The following CHST9 variants were observed in gnomAD, a reference collection of about 807,000 sequenced individuals.
CHST9 encodes the protein GalNAc-4-sulfotransferase 2.
Under a neutral mutation model 44.4 loss-of-function variants are expected in CHST9, and 41 were observed. That is an observed-to-expected ratio of 0.92 (90% CI 0.72 to 1.20). The LOEUF is 1.20. Ranked by LOEUF, CHST9 falls within the 50% of genes most tolerant of loss-of-function variation. The pLI, the probability that CHST9 is intolerant of heterozygous loss-of-function variation, is 0.00. For synonymous variants in CHST9, 171 were observed against 178.4 expected, an observed-to-expected ratio of 0.96 and a Z score of 0.33; for missense variants, 504 against 516.5, an observed-to-expected ratio of 0.98 and a Z score of 0.23.
At chr18:27,134,904 G>A (rs2058501122) in intron 2 of CHST9, among the ~76,000 whole-genome samples, 1 of 152,076 alleles carries the variant, frequency 6.6e-6, no homozygotes, top group Admixed American at 6.5e-5. Flanking sequence ...TGAGTTCTGG[G>A]GAGATAGTCA....
intron 5 of CHST9, among the ~76,000 whole-genome samples, chr18:26,932,306 T>C (rs2055892725): frequency 6.6e-6 from 1 of 152,226 alleles, no homozygotes; most frequent in African/African-American, 2.4e-5. Context: ...GCTCAGCTTT[T>C]ATGTCAGCCT....
intron 5 of CHST9, among the ~76,000 whole-genome samples, chr18:26,937,820 C>T (rs535812515): frequency 6.6e-5 from 10 of 152,118 alleles, no homozygotes; most frequent in African/African-American, 1.2e-4. Flanking sequence ...ATAATAATAC[C>T]GACCATTATT....
In CHST9 at chr18:27,128,267, T is replaced by C. The variant is rs371163908; in HGVS notation, c.121+14422A>G. 6.6e-5 allele frequency among the ~76,000 whole-genome samples: 10 copies of C among 152,252 alleles called. No individual in the cohort carries two copies. The East Asian group carries it at 1.5e-3, about 24-fold the overall frequency. ...CACAAAAAGATTCCAAAATCATTTTTATTTTATTTATTTATTTTTTGAGAT... is the reference window on the plus strand; with the variant it reads ...CACAAAAAGATTCCAAAATCATTTTCATTTTATTTATTTATTTTTTGAGAT... On this transcript the variant is annotated intron_variant, in intron 2 of 5. Coordinates refer to ENST00000618847, the MANE Select transcript of CHST9 (RefSeq NM_031422.6).
intron 4 of CHST9, among the ~76,000 whole-genome samples, chr18:27,009,035 C>A (rs907284376): frequency 2.0e-5 from 3 of 151,942 alleles, no homozygotes; most frequent in Admixed American, 2.0e-4. Context: ...TAGAAATATA[C>A]CTCTATAGTT....
chr18:26,929,753 G>T (rs1041303899), intron 5 of CHST9, among the ~76,000 whole-genome samples: 1 of 152,008 alleles, frequency 6.6e-6, no homozygotes, highest in African/African-American at 2.4e-5. Context: ...TACGGGGTAG[G>T]AGGAGAGAGA....
At chr18:26,963,405 A>G (rs1334333094) in intron 4 of CHST9, among the ~76,000 whole-genome samples, 1 of 152,104 alleles carries the variant, frequency 6.6e-6, no homozygotes, top group Non-Finnish European at 1.5e-5. Context: ...GGACTAAACA[A>G]ACATTAATGT....
At chr18:27,162,824 T>C (rs985905008) in intron 1 of CHST9, among the ~76,000 whole-genome samples, 1 of 152,210 alleles carries the variant, frequency 6.6e-6, no homozygotes, top group Admixed American at 6.5e-5. Context: ...TCAAAGTCAT[T>C]CTCCATCCAG....
intron 2 of CHST9, among the ~76,000 whole-genome samples, chr18:27,057,740 T>C (rs2143600485): frequency 6.6e-6 from 1 of 152,330 alleles, no homozygotes; most frequent in Non-Finnish European, 1.5e-5. Context: ...CCATCTGCAC[T>C]CCCCAGCCCT....
chr18:27,078,682 C>A (rs1034036332), intron 2 of CHST9, among the ~76,000 whole-genome samples: 1 of 152,098 alleles, frequency 6.6e-6, no homozygotes, highest in African/African-American at 2.4e-5. Flanking sequence ...AGTCTTCTTG[C>A]ACTACATTGG....
At chr18:27,018,794 G>A (rs1489245084) in intron 4 of CHST9, among the ~76,000 whole-genome samples, 1 of 152,160 alleles carries the variant, frequency 6.6e-6, no homozygotes, top group Non-Finnish European at 1.5e-5. Context: ...AGAAAAGAAT[G>A]TTCAGGCTGA....
At chr18:27,110,340 G>A (rs1013230650) in intron 2 of CHST9, among the ~76,000 whole-genome samples, 5 of 151,284 alleles carry the variant, frequency 3.3e-5, no homozygotes, top group Non-Finnish European at 5.9e-5. Flanking sequence ...TATAGTTTTC[G>A]GATTCCCTGA....
intron 4 of CHST9, among the ~76,000 whole-genome samples, chr18:26,955,106 A>G (rs1408040860): frequency 6.6e-6 from 1 of 152,114 alleles, no homozygotes; most frequent in Admixed American, 6.6e-5. Context: ...TTGACTGCTG[A>G]TGAATTCTGG....
At chr18:26,948,243 T>C (rs2056194065) in intron 4 of CHST9, among the ~76,000 whole-genome samples, 1 of 152,058 alleles carries the variant, frequency 6.6e-6, no homozygotes, top group Admixed American at 6.6e-5. Flanking sequence ...ACTGAGGCCT[T>C]TCAGGGAGTG....
intron 2 of CHST9, among the ~76,000 whole-genome samples, chr18:27,092,230 T>C (rs1404585319): frequency 2.0e-5 from 3 of 152,360 alleles, no homozygotes; most frequent in South Asian, 4.1e-4. Context: ...TTTATTTGCA[T>C]AGAGGTGTTT....
rs2058087040 is a variant in CHST9 at position 27,093,332 on chromosome 18, C to T, written c.122-44829G>A. 3.3e-5 allele frequency among the ~76,000 whole-genome samples: 5 copies of T among 152,382 alleles called. No homozygotes were observed. In the South Asian group the frequency reaches 1.0e-3, roughly 32 times the overall value. ...CAGAAGTTGTTTGCTGTCTTTTGTTCAGCTATGCCCTGCCAACAGAGGTGA... is the reference window on the plus strand; with the variant it reads ...CAGAAGTTGTTTGCTGTCTTTTGTTTAGCTATGCCCTGCCAACAGAGGTGA... On this transcript the variant is annotated intron_variant, in intron 2 of 5. Transcript: ENST00000618847.
intron 3 of CHST9, among the ~76,000 whole-genome samples, chr18:27,028,353 A>C (rs2057304981): frequency 6.6e-6 from 1 of 152,198 alleles, no homozygotes; most frequent in Admixed American, 6.5e-5. Context: ...AACTAGCAAA[A>C]CTGGCACAGC....
chr18:27,032,741 T>A (rs1178560523), intron 3 of CHST9, among the ~76,000 whole-genome samples: 1 of 152,228 alleles, frequency 6.6e-6, no homozygotes, highest in Non-Finnish European at 1.5e-5. Context: ...GCAGATATTA[T>A]CTCACTTAAT....
chr18:27,098,895 A>G (rs147121703), intron 2 of CHST9, among the ~76,000 whole-genome samples: 104 of 152,274 alleles, frequency 6.8e-4, no homozygotes, highest in African/African-American at 2.4e-3. Context: ...AGTGAAAGCA[A>G]TCCTAAGCAA....
At chr18:26,996,620 C>A (rs1275775828) in intron 4 of CHST9, among the ~76,000 whole-genome samples, 1 of 152,160 alleles carries the variant, frequency 6.6e-6, no homozygotes, top group Non-Finnish European at 1.5e-5. Flanking sequence ...AGGCGGATAC[C>A]TGCCCCAAAG....
Sources: allele counts gnomAD v4.1 joint callset (sites outside exome capture counted in the v4.1 genomes callset), GRCh38; gene constraint gnomAD v4.1.1; transcripts MANE v1.5; gene names NCBI Gene and HGNC (gene_info 2026-07-23, HGNC 2026-07-21).